PDGFD: variants seen among roughly 807,000 people sequenced by gnomAD.
PDGFD encodes platelet-derived growth factor D.
Under a neutral mutation model 44.7 loss-of-function variants are expected in PDGFD, and 30 were observed. That is an observed-to-expected ratio of 0.67 (90% CI 0.50 to 0.91). The LOEUF is 0.91. Ranked by LOEUF, PDGFD falls within the 40% of genes least tolerant of loss-of-function variation. The pLI, the probability that PDGFD is intolerant of heterozygous loss-of-function variation, is 0.00. For synonymous variants in PDGFD, 173 were observed against 168.4 expected (o/e 1.03, Z -0.21); for missense variants, 445 against 457.8 (o/e 0.97, Z 0.25).
intron 3 of PDGFD, among the ~76,000 whole-genome samples, chr11:103,969,152 G>A (rs181569949): frequency 7.9e-5 from 12 of 152,262 alleles, no homozygotes; most frequent in Admixed American, 1.3e-4. Flanking sequence ...TGCCAGTATA[G>A]TGCCTGGTAA....
At chr11:104,148,232 T>C (rs1231977251) in intron 1 of PDGFD, among the ~76,000 whole-genome samples, 1 of 152,192 alleles carries the variant, frequency 6.6e-6, no homozygotes, top group Non-Finnish European at 1.5e-5. Flanking sequence ...TGCTGAGTTA[T>C]TCAGCTCCTT....
intron 3 of PDGFD, among the ~76,000 whole-genome samples, chr11:103,987,859 A>T (rs1176465725): frequency 6.6e-6 from 1 of 152,136 alleles, no homozygotes; most frequent in East Asian, 1.9e-4. Context: ...CAGCCCAGCA[A>T]TTCGCTCCTT....
chr11:104,134,471 C>G (rs755762432), intron 1 of PDGFD, among the ~76,000 whole-genome samples: 2 of 152,194 alleles, frequency 1.3e-5, no homozygotes, highest in Middle Eastern at 6.8e-3. Flanking sequence ...TTAATTAATT[C>G]AAGTCATACA....
At chr11:104,115,000 G>A (rs1418159115) in intron 1 of PDGFD, among the ~76,000 whole-genome samples, 2 of 150,712 alleles carry the variant, frequency 1.3e-5, no homozygotes, top group African/African-American at 2.4e-5. Context: ...CCCCTCACCC[G>A]AGCAGTATAC....
intron 1 of PDGFD, among the ~76,000 whole-genome samples, chr11:104,158,419 T>C (rs1455572926): frequency 6.6e-6 from 1 of 152,244 alleles, no homozygotes; most frequent in South Asian, 2.1e-4. Flanking sequence ...CAATTGTTTG[T>C]CTATATTGTC....
At chr11:104,066,038 A>C (rs1000896366) in intron 1 of PDGFD, among the ~76,000 whole-genome samples, 3 of 152,208 alleles carry the variant, frequency 2.0e-5, no homozygotes, top group Non-Finnish European at 4.4e-5. Context: ...GGTGTCATAT[A>C]TACAAATTGT....
At chr11:104,027,918 C>A (rs545628066) in intron 1 of PDGFD, among the ~76,000 whole-genome samples, 2 of 152,054 alleles carry the variant, frequency 1.3e-5, no homozygotes, top group Non-Finnish European at 2.9e-5. Context: ...AGGCCGGGCG[C>A]GGTGGCTCAC....
intron 1 of PDGFD, among the ~76,000 whole-genome samples, chr11:104,039,733 A>G (rs1264682263): frequency 6.6e-6 from 1 of 152,208 alleles, no homozygotes; most frequent in African/African-American, 2.4e-5. Flanking sequence ...CAAAATGCTT[A>G]TGAATAAATT....
At chr11:103,959,417 A>T (rs1002779568) in intron 3 of PDGFD, among the ~76,000 whole-genome samples, 3 of 152,184 alleles carry the variant, frequency 2.0e-5, no homozygotes, top group Non-Finnish European at 4.4e-5. Flanking sequence ...GTTAAACTAG[A>T]GAGATGGTTA....
chr11:103,989,008 T>C (rs1859411461), intron 3 of PDGFD, among the ~76,000 whole-genome samples: 1 of 152,126 alleles, frequency 6.6e-6, no homozygotes, highest in Non-Finnish European at 1.5e-5. Context: ...AAAGGTTAGA[T>C]ACTATTATTC....
At chr11:104,087,021 CTTTTTTT>C (rs528848924) in intron 1 of PDGFD, among the ~76,000 whole-genome samples, 39,421 of 103,124 alleles carry the variant, frequency 0.38, 6,705 homozygotes, top group African/African-American at 0.53. Context: ...GGCTCTTAGT[CTTTTTTT>C]TTTTTTTTTT....
intron 3 of PDGFD, among the ~76,000 whole-genome samples, chr11:103,957,577 T>A (rs1006146041): frequency 6.6e-6 from 1 of 152,166 alleles, no homozygotes; most frequent in African/African-American, 2.4e-5. Flanking sequence ...TCTACAACTA[T>A]CTGATCTTTG....
At chr11:104,161,342 G>A (rs114787924) in intron 1 of PDGFD, among the ~76,000 whole-genome samples, 2,541 of 152,124 alleles carry the variant, frequency 0.017, 94 homozygotes, top group African/African-American at 0.058. Context: ...GAATATTGTC[G>A]TCTTCAATGA....
In PDGFD at chr11:103,947,202, C is replaced by T. The variant is rs544220917; in HGVS notation, c.573+460G>A. On this transcript the variant is annotated intron_variant, in intron 4 of 6. Coordinates refer to ENST00000393158, the MANE Select transcript of PDGFD (RefSeq NM_025208.5). The stretch of plus-strand genomic sequence containing the variant: ...ATATCCAAGTAAAATAGAATACATG[C>T]CTGATTTGCACTTATTATCTTACTG... Among the ~76,000 whole-genome samples, 6 of 152,254 alleles carry T rather than the reference C, an allele frequency of 3.9e-5. No homozygotes were observed. In the South Asian group the frequency reaches 1.2e-3, roughly 32 times the overall value.
At chr11:104,097,163 G>A (rs11226153) in intron 1 of PDGFD, among the ~76,000 whole-genome samples, 24,288 of 152,048 alleles carry the variant, frequency 0.16, 2,070 homozygotes, top group South Asian at 0.24. Context: ...GCTATTTTGC[G>A]CAGTGCTAAC....
Position 103,911,492 on chromosome 11 carries a change from A to C in PDGFD, c.988-1673T>G, listed in dbSNP as rs138582400. ...CTGAAGGTCAACAACATCAAAGACC[A>C]AAGGTAAATAAAACCAAAAAGATGG... On this transcript the variant is annotated intron_variant, in intron 6 of 6. Transcript: ENST00000393158. 3.3e-3 allele frequency among the ~76,000 whole-genome samples: 505 copies of C among 152,320 alleles called. 2 individuals are homozygous for C. The highest frequency in any genetic ancestry group is 0.011 in the African/African-American group (476 of 41,574).
intron 6 of PDGFD, among the ~76,000 whole-genome samples, chr11:103,921,666 C>T (rs1234258896): frequency 6.6e-6 from 1 of 150,910 alleles, no homozygotes; most frequent in African/African-American, 2.4e-5. Context: ...TTTATTAATA[C>T]ATCTCCTAAC....
intron 1 of PDGFD, among the ~76,000 whole-genome samples, chr11:104,042,667 G>A (rs1280607746): frequency 6.6e-6 from 1 of 152,078 alleles, no homozygotes; most frequent in Non-Finnish European, 1.5e-5. Context: ...ATTTTTTATG[G>A]GTATATTTTT....
intron 5 of PDGFD, among the ~76,000 whole-genome samples, chr11:103,936,291 C>T (rs2134317367): frequency 6.6e-6 from 1 of 152,286 alleles, no homozygotes; most frequent in East Asian, 1.9e-4. Flanking sequence ...TTGGCAAATT[C>T]TTAACCCAAG....
Sources: allele counts gnomAD v4.1 joint callset (sites outside exome capture counted in the v4.1 genomes callset), GRCh38; gene constraint gnomAD v4.1.1; transcripts MANE v1.5; gene names NCBI Gene and HGNC (gene_info 2026-07-23, HGNC 2026-07-21).